The following TMEM170B variants were observed in gnomAD, a reference collection of about 807,000 sequenced individuals.
The protein encoded by TMEM170B is transmembrane protein 170B.
In TMEM170B, 6 loss-of-function variants were observed where a neutral mutation model predicts 13.0. That is an observed-to-expected ratio of 0.46 (90% CI 0.25 to 0.91). The LOEUF is 0.91. Among genes scored for constraint, TMEM170B ranks in the 40% least tolerant of loss-of-function variants. The pLI is 0.17. For missense variants in TMEM170B, 138 were observed against 165.2 expected, an observed-to-expected ratio of 0.84 and a Z score of 0.90; for synonymous variants, 61 against 64.9, an observed-to-expected ratio of 0.94 and a Z score of 0.29.
At chr6:11,560,673 A>G (rs181683020) in intron 1 of TMEM170B, among the ~76,000 whole-genome samples, 2 of 152,216 alleles carry the variant, frequency 1.3e-5, no homozygotes, top group East Asian at 3.9e-4. Context: ...AGTTTAAAAT[A>G]GTAAAGAATG....
intron 1 of TMEM170B, among the ~76,000 whole-genome samples, chr6:11,554,471 G>A (rs972361701): frequency 6.6e-6 from 1 of 151,694 alleles, no homozygotes; most frequent in Non-Finnish European, 1.5e-5. Context: ...TCAGTTATGG[G>A]GAAGAACAAA....
chr6:11,550,072 A>C (rs1326027453), intron 1 of TMEM170B, among the ~76,000 whole-genome samples: 2 of 152,086 alleles, frequency 1.3e-5, no homozygotes, highest in Non-Finnish European at 2.9e-5. Context: ...TCCTGGACTC[A>C]AGCAGTCTGC....
At chr6:11,570,613 T>G (rs1171249441) in intron 2 of TMEM170B, among the ~76,000 whole-genome samples, 1 of 152,180 alleles carries the variant, frequency 6.6e-6, no homozygotes, top group African/African-American at 2.4e-5. Flanking sequence ...TTAAAAACCC[T>G]TCTTCCAAAA....
At chr6:11,559,031 ATC>A (rs1292532932) in intron 1 of TMEM170B, among the ~76,000 whole-genome samples, 3 of 152,096 alleles carry the variant, frequency 2.0e-5, no homozygotes, top group Non-Finnish European at 4.4e-5. Context: ...GGGCCATATA[ATC>A]TCTGTCTCAA....
At chr6:11,543,947 T>C (rs1759395795) in intron 1 of TMEM170B, among the ~76,000 whole-genome samples, 1 of 152,182 alleles carries the variant, frequency 6.6e-6, no homozygotes, top group South Asian at 2.1e-4. Flanking sequence ...TTGATAAAAA[T>C]AAATTCTTAA....
intron 1 of TMEM170B, among the ~76,000 whole-genome samples, chr6:11,541,264 T>C (rs569862383): frequency 1.3e-5 from 2 of 152,374 alleles, no homozygotes; most frequent in South Asian, 2.1e-4. Context: ...TCTTCTGATA[T>C]AAGGCTGTTT....
At chr6:11,542,482 C>T (rs1420578456) in intron 1 of TMEM170B, among the ~76,000 whole-genome samples, 1 of 152,094 alleles carries the variant, frequency 6.6e-6, no homozygotes. Flanking sequence ...GCCGAACATC[C>T]CAAACTAGGA....
At chr6:11,566,846 T>A (rs1759740858) in intron 2 of TMEM170B, among the ~76,000 whole-genome samples, 1 of 152,242 alleles carries the variant, frequency 6.6e-6, no homozygotes, top group Non-Finnish European at 1.5e-5. Flanking sequence ...TAAGAAGTTG[T>A]ATTCATGCTC....
rs1026767530 is a variant in TMEM170B, at chr6:11,537,969, GCCT to G, written c.-303_-301del. On this transcript the variant is annotated 5_prime_UTR_variant, in exon 1 of 3. Transcript: ENST00000379426. ...CTGCCCCTGAGAGGGAGCGGCGGCG[GCCT>G]CCTCCGCCCCGAGTCCTCGCTCGGG... 4.0e-5 allele frequency among the ~76,000 whole-genome samples: 6 copies of G among 151,388 alleles called. No homozygotes were observed. The highest frequency in any genetic ancestry group is 8.9e-5 in the Non-Finnish European group (6 of 67,692).
chr6:11,564,712 T>G (rs12199737), intron 1 of TMEM170B, among the ~76,000 whole-genome samples: 8,790 of 152,304 alleles, frequency 0.058, 274 homozygotes, highest in East Asian at 0.16. Flanking sequence ...TCTCTTGTCT[T>G]TGATGGATCT....
intron 1 of TMEM170B, among the ~76,000 whole-genome samples, chr6:11,561,546 A>G (rs1422442207): frequency 6.6e-6 from 1 of 152,160 alleles, no homozygotes; most frequent in African/African-American, 2.4e-5. Flanking sequence ...CTTAGACTTT[A>G]AGTCTTGCTT....
At chr6:11,553,707 A>G (rs1207893605) in intron 1 of TMEM170B, among the ~76,000 whole-genome samples, 3 of 152,222 alleles carry the variant, frequency 2.0e-5, no homozygotes, top group African/African-American at 4.8e-5. Context: ...GAAAAAATGT[A>G]TGCATTTGCA....
At position 11,575,019 on chromosome 6, in the gene TMEM170B, A is replaced by ATTAAATTAT. The variant is rs1435982017; in HGVS notation, c.269-411_269-403dup. Among the ~76,000 whole-genome samples the ATTAAATTAT allele has an allele frequency of 1.3e-5, 2 of 152,008 alleles. No individual in the cohort carries two copies. The highest frequency in any genetic ancestry group is 4.8e-5 in the African/African-American group (2 of 41,436). On this transcript the variant is annotated intron_variant, in intron 2 of 2. Transcript: ENST00000379426. This position sits in a 1 kb window ranked among gnomAD's most constrained non-coding sequence, Gnocchi z 4.1. ...TATTTATTAATAATTTAGAAATTAC[A>ATTAAATTAT]TTAAATTATGTTATTTTTCTGCATT...
At chr6:11,562,688 C>T (rs1468707509) in intron 1 of TMEM170B, among the ~76,000 whole-genome samples, 1 of 152,014 alleles carries the variant, frequency 6.6e-6, no homozygotes, top group African/African-American at 2.4e-5. Flanking sequence ...TCTCAGAAAT[C>T]CACAGTATAA....
Position 11,575,613 on chromosome 6 carries a change from C to T in TMEM170B, c.*52C>T, listed in dbSNP as rs548823800. ...CATAAGGAAACAGATGTACAGATTC[C>T]CTGAAAACGGCATTGTTAACAAGTG... On this transcript the variant is annotated 3_prime_UTR_variant, in exon 3 of 3. Transcript: ENST00000379426. This position sits in a 1 kb window ranked among gnomAD's most constrained non-coding sequence, Gnocchi z 4.1. 1 of 1,598,190 alleles carries T rather than the reference C, an allele frequency of 6.3e-7. No individual in the cohort carries two copies. Among genetic ancestry groups the T allele is most frequent in the African/African-American group, 1.3e-5 (1 of 74,388 alleles).
chr6:11,570,469 A>G (rs1420017080), intron 2 of TMEM170B, among the ~76,000 whole-genome samples: 1 of 152,226 alleles, frequency 6.6e-6, no homozygotes, highest in African/African-American at 2.4e-5. Context: ...CTAAATCTCA[A>G]TAATAAAGAT....
rs779560767 is a variant in TMEM170B at position 11,538,238 on chromosome 6, C to T, written c.-40C>T. 5 of 1,176,144 alleles carry T rather than the reference C, an allele frequency of 4.3e-6. No homozygotes were observed. The highest frequency in any genetic ancestry group is 1.6e-5 in the African/African-American group (1 of 61,954). The allele number at this position is 1,176,144 out of a possible 1,614,324, so 72.9% of individuals were successfully genotyped here. A position where few individuals can be genotyped will look rare whatever the true frequency, so the allele number is the denominator to read the frequency against. ...GAGCCTCGCAGCCGCCGCCGCCGCC[C>T]GGCACCCGAGGAGAGGGCGGCGGGC... On this transcript the variant is annotated 5_prime_UTR_variant, in exon 1 of 3. Coordinates refer to ENST00000379426, the MANE Select transcript of TMEM170B (RefSeq NM_001100829.3).
intron 1 of TMEM170B, among the ~76,000 whole-genome samples, chr6:11,544,625 A>G (rs1378571075): frequency 6.6e-6 from 1 of 152,152 alleles, no homozygotes; most frequent in African/African-American, 2.4e-5. Context: ...TATTTCCCCT[A>G]CCTTGGAAGA....
chr6:11,545,280 C>CTCTTTCTCTGTGTGTG (rs1442789332), intron 1 of TMEM170B, among the ~76,000 whole-genome samples: 1 of 139,736 alleles, frequency 7.2e-6, no homozygotes, highest in African/African-American at 2.7e-5. Context: ...CTCTCTCTCT[C>CTCTTTCTCTGTGTGTG]TGTGTGTGTG....
Sources: allele counts gnomAD v4.1 joint callset (sites outside exome capture counted in the v4.1 genomes callset), GRCh38; gene constraint gnomAD v4.1.1; non-coding constraint Gnocchi (gnomAD v3.1); transcripts MANE v1.5; gene names NCBI Gene and HGNC (gene_info 2026-07-23, HGNC 2026-07-21).